MOB1A: variants seen among roughly 807,000 people sequenced by gnomAD.
The protein encoded by MOB1A is MOB1 Mps One Binder homolog A.
A neutral mutation model predicts 25.1 loss-of-function variants in MOB1A; 10 were observed. That is an observed-to-expected ratio of 0.40 (90% CI 0.25 to 0.68). The LOEUF (loss-of-function observed/expected upper bound fraction) is 0.68. MOB1A is among the 30% of genes least tolerant of loss of function. The pLI, the probability that MOB1A is intolerant of heterozygous loss-of-function variation, is 0.40. For missense variants in MOB1A, 177 were observed against 256.3 expected, an observed-to-expected ratio of 0.69 and a Z score of 2.11; for synonymous variants, 81 against 79.5, an observed-to-expected ratio of 1.02 and a Z score of -0.10.
chr2:74,165,391 T>C, intron 3 of MOB1A, 40 bp from the exon 4 acceptor site: 1 of 1,310,570 alleles, frequency 7.6e-7, no homozygotes, highest in East Asian at 2.6e-5. Flanking sequence ...TTTTCAAAAA[T>C]ATTAACAAAT....
intron 4 of MOB1A, among the ~76,000 whole-genome samples, chr2:74,160,990 C>T (rs544540329): frequency 2.6e-5 from 4 of 151,166 alleles, no homozygotes; most frequent in African/African-American, 7.3e-5. Context: ...ACCCAGGAGG[C>T]GGAGGTTGCA....
At chr2:74,163,197 T>TA (rs1693023719) in intron 4 of MOB1A, among the ~76,000 whole-genome samples, 1 of 152,026 alleles carries the variant, frequency 6.6e-6, no homozygotes, top group Admixed American at 6.6e-5. Context: ...TAAGCAAGCG[T>TA]AAAAACAAGA....
At chr2:74,176,864 G>A (rs1693488406) in intron 1 of MOB1A, among the ~76,000 whole-genome samples, 1 of 151,938 alleles carries the variant, frequency 6.6e-6, no homozygotes, top group Non-Finnish European at 1.5e-5. Context: ...GCAGCACTTT[G>A]AAGTTTGGCA....
In MOB1A at chr2:74,156,234, T is replaced by A. The variant is rs1692802247; in HGVS notation, c.*334A>T. On this transcript the variant is annotated 3_prime_UTR_variant, in exon 6 of 6. Coordinates refer to ENST00000396049, the MANE Select transcript of MOB1A (RefSeq NM_018221.5). ...TGTCACCTAAAACAGATTCAATCAT[T>A]TTCTTGTAAAGAAATGACTGAGTAA... The A allele has an allele frequency of 2.1e-5, 4 of 193,514 alleles. No homozygotes were observed. The highest frequency in any genetic ancestry group is 4.2e-5 in the Non-Finnish European group (4 of 95,100). 12.0% of individuals were successfully genotyped at this position (193,514 alleles called of 1,614,324 possible).
In MOB1A at chr2:74,159,818, TC is replaced by T. The variant is rs59971449; in HGVS notation, c.410-565del. The stretch of plus-strand genomic sequence containing the variant: ...TGTAGTTTTAGTTTTTTGTTTTTTG[TC>T]CCCCCCCCCACCCCGGAGACTGAGC... On this transcript the variant is annotated intron_variant, in intron 4 of 5. Transcript: ENST00000396049. 1.0e-2 allele frequency among the ~76,000 whole-genome samples: 983 copies of T among 98,532 alleles called. 12 individuals carry two copies. The highest frequency in any genetic ancestry group is 0.012 in the Non-Finnish European group (558 of 45,720). 64.6% of individuals were successfully genotyped at this position (98,532 alleles called of 152,430 possible).
At chr2:74,159,781 G>A (rs1011677203) in intron 4 of MOB1A, among the ~76,000 whole-genome samples, 1 of 151,114 alleles carries the variant, frequency 6.6e-6, no homozygotes, top group African/African-American at 2.5e-5. Context: ...CTAAATCAAA[G>A]TTCAAAAATC....
chr2:74,178,594 G>A, intron 1 of MOB1A, 67 bp downstream of exon 1: 2 of 1,240,174 alleles, frequency 1.6e-6, no homozygotes, highest in Non-Finnish European at 1.1e-6. Flanking sequence ...CCTCGCCTCA[G>A]GTCCGGGGAG....
At chr2:74,177,282 G>A (rs1693503282) in intron 1 of MOB1A, among the ~76,000 whole-genome samples, 1 of 151,990 alleles carries the variant, frequency 6.6e-6, no homozygotes, top group Admixed American at 6.6e-5. Flanking sequence ...CATCCCCGGA[G>A]GCAGAGGTTG....
chr2:74,162,049 T>A (rs1356340729), intron 4 of MOB1A, among the ~76,000 whole-genome samples: 1 of 152,206 alleles, frequency 6.6e-6, no homozygotes, highest in Non-Finnish European at 1.5e-5. Flanking sequence ...ATAATGTGCA[T>A]ATATTAGTAA....
At chr2:74,166,468 A>G (rs933379404) in intron 3 of MOB1A, among the ~76,000 whole-genome samples, 1 of 152,234 alleles carries the variant, frequency 6.6e-6, no homozygotes, top group African/African-American at 2.4e-5. Flanking sequence ...TCCTATAATA[A>G]AACATTCAGA....
intron 1 of MOB1A, 197 bp downstream of exon 1, chr2:74,178,464 C>G (rs1693542201): frequency 2.6e-6 from 1 of 383,984 alleles, no homozygotes. Context: ...CGCTCCGTTT[C>G]CTTTACTTCG....
rs1403884765 is a variant in MOB1A, at chr2:74,152,742, T to C, written c.*3826A>G. 2 of 152,324 alleles carry C rather than the reference T, an allele frequency of 1.3e-5. No individual in the cohort carries two copies. The highest frequency in any genetic ancestry group is 4.8e-5 in the African/African-American group (2 of 41,576). 9.4% of individuals were successfully genotyped at this position (152,324 alleles called of 1,614,324 possible). The stretch of plus-strand genomic sequence containing the variant: ...ACATAAATTTTTATGTAAAGAACAT[T>C]TAAAAATATTTTAGATGGTAACCAA... On this transcript the variant is annotated 3_prime_UTR_variant, in exon 6 of 6. Coordinates refer to ENST00000396049, the MANE Select transcript of MOB1A (RefSeq NM_018221.5).
chr2:74,162,855 T>A (rs1271861108), intron 4 of MOB1A, among the ~76,000 whole-genome samples: 1 of 152,186 alleles, frequency 6.6e-6, no homozygotes, highest in Non-Finnish European at 1.5e-5. Context: ...GCCAAACTCT[T>A]AATCAAAATA....
intron 1 of MOB1A, among the ~76,000 whole-genome samples, chr2:74,177,442 TGGA>T (rs1425103924): frequency 6.6e-6 from 1 of 151,968 alleles, no homozygotes; most frequent in Admixed American, 6.6e-5. Flanking sequence ...AAGAAAAAAG[TGGA>T]GGAGGGAGGA....
intron 1 of MOB1A, among the ~76,000 whole-genome samples, chr2:74,174,442 T>G (rs1693394892): frequency 6.6e-6 from 1 of 151,652 alleles, no homozygotes. Flanking sequence ...GTGGGGAAGA[T>G]AAAAAGAAAA....
At position 74,168,094 on chromosome 2, in the gene MOB1A, G is replaced by A. The variant is rs138399201; in HGVS notation, c.182-987C>T. Reference sequence around the variant, plus strand: ...GCTGAGGTTGCCGTGAGCTGTGATGGTGCTACTGCACTCCAGCCTGGGTGA... The same window carrying A: ...GCTGAGGTTGCCGTGAGCTGTGATGATGCTACTGCACTCCAGCCTGGGTGA... On this transcript the variant is annotated intron_variant, in intron 2 of 5. Coordinates refer to ENST00000396049, the MANE Select transcript of MOB1A (RefSeq NM_018221.5). Among the ~76,000 whole-genome samples the A allele has an allele frequency of 2.2e-3, 339 of 152,314 alleles. 1 individual carries two copies. The highest frequency in any genetic ancestry group is 3.5e-3 in the Non-Finnish European group (237 of 68,034).
chr2:74,176,503 G>A (rs1031532415), intron 1 of MOB1A, among the ~76,000 whole-genome samples: 2 of 151,832 alleles, frequency 1.3e-5, no homozygotes, highest in Admixed American at 6.6e-5. Flanking sequence ...AGTGGCTCAC[G>A]CGTGTAATCC....
intron 1 of MOB1A, among the ~76,000 whole-genome samples, chr2:74,177,539 G>A (rs1693509668): frequency 6.6e-6 from 1 of 151,972 alleles, no homozygotes; most frequent in African/African-American, 2.4e-5. Flanking sequence ...ATTCATTTAC[G>A]AGAATAACCC....
At position 74,167,016 on chromosome 2, in the gene MOB1A, C is replaced by T. The variant is rs578027858; in HGVS notation, c.273G>A (p.Pro91=). ...TATATAATAGGCAGTATATGTACCT[C>T]GGACCTGCAGACATGACTGGACAGC... ...EASCPVMSAG[P]RYEYHWADGT... Residue 91 remains proline, a splice_region_variant and synonymous_variant, in exon 3 of 6, where the codon CCG becomes CCA. Coordinates refer to ENST00000396049, the MANE Select transcript of MOB1A (RefSeq NM_018221.5). The T allele has an allele frequency of 2.4e-5, 39 of 1,611,670 alleles. 1 individual carries two copies. The Middle Eastern group carries it at 9.9e-4, about 41-fold the overall frequency.
Sources: gnomAD v4.1 joint callset for allele counts (sites outside exome capture counted in the v4.1 genomes callset) on GRCh38, gnomAD v4.1.1 for gene constraint, MANE v1.5 for transcripts, NCBI Gene and HGNC (gene_info 2026-07-23, HGNC 2026-07-21) for gene names.